The following RASSF3 variants were observed in gnomAD, a reference collection of about 807,000 sequenced individuals.
The protein encoded by RASSF3 is ras association domain-containing protein 3.
RASSF3 carries 19 observed loss-of-function variants against 19.9 expected under a neutral mutation model. The ratio of observed to expected loss-of-function variants is 0.96; its 90% CI spans 0.67 to 1.40. RASSF3 has a LOEUF of 1.40. Among genes scored for constraint, RASSF3 ranks in the 40% most tolerant of loss-of-function variants. RASSF3 has a pLI of 0.00. For synonymous variants in RASSF3, 110 were observed against 104.2 expected (o/e 1.06, Z -0.34); for missense variants, 306 against 289.8 (o/e 1.06, Z -0.41).
intron 2 of RASSF3, among the ~76,000 whole-genome samples, chr12:64,604,603 C>T (rs1870154198): frequency 6.6e-6 from 1 of 152,082 alleles, no homozygotes; most frequent in Non-Finnish European, 1.5e-5. Context: ...TATTAAGAGC[C>T]TGTCCTCCAG....
chr12:64,660,090 A>G (rs1247790395), intron 1 of RASSF3, among the ~76,000 whole-genome samples: 1 of 144,238 alleles, frequency 6.9e-6, no homozygotes, highest in East Asian at 1.9e-4. Context: ...ATATATATAC[A>G]CATACACGCA....
chr12:64,622,412 C>A (rs948925708), intron 1 of RASSF3: 7 of 512,754 alleles, frequency 1.4e-5, no homozygotes, highest in Non-Finnish European at 2.7e-5. Flanking sequence ...GATGGTAGGA[C>A]AAACTGCTGG....
At chr12:64,571,037 G>A (rs780160923) in intron 2 of RASSF3, among the ~76,000 whole-genome samples, 14 of 152,028 alleles carry the variant, frequency 9.2e-5, no homozygotes, top group Middle Eastern at 3.2e-3. Flanking sequence ...GGCCAACATG[G>A]TGAAACCCCA....
At chr12:64,511,859 C>T (rs1279461958) in intron 1 of RASSF3, among the ~76,000 whole-genome samples, 2 of 152,298 alleles carry the variant, frequency 1.3e-5, no homozygotes, top group Non-Finnish European at 1.5e-5. Context: ...GAAGACCTAG[C>T]TGTTTTCAGA....
chr12:64,567,262 A>G (rs7299202), intron 2 of RASSF3, among the ~76,000 whole-genome samples: 88,118 of 151,946 alleles, frequency 0.58, 26,051 homozygotes, highest in Non-Finnish European at 0.61. Context: ...TATCAGTCAC[A>G]GTCACAGCAG....
At chr12:64,665,245 G>A (rs1055600106) in intron 1 of RASSF3, among the ~76,000 whole-genome samples, 13 of 152,086 alleles carry the variant, frequency 8.5e-5, no homozygotes, top group Admixed American at 8.5e-4. Flanking sequence ...TTTCTCTTTT[G>A]TGAAATAATT....
At chr12:64,657,235 C>G (rs1158230215) in intron 1 of RASSF3, among the ~76,000 whole-genome samples, 2 of 152,100 alleles carry the variant, frequency 1.3e-5, no homozygotes, top group East Asian at 3.9e-4. Flanking sequence ...TGGTCTCGAA[C>G]TCCTGACCTC....
At chr12:64,661,677 C>CTTTTTTTT (rs71092993) in intron 1 of RASSF3, among the ~76,000 whole-genome samples, 3 of 78,992 alleles carry the variant, frequency 3.8e-5, no homozygotes, top group African/African-American at 5.3e-5. Context: ...TTTTCTTTTT[C>CTTTTTTTT]TTTTTTTTTT....
chr12:64,677,165 T>G (rs1175001109), intron 1 of RASSF3, among the ~76,000 whole-genome samples: 1 of 152,194 alleles, frequency 6.6e-6, no homozygotes, highest in African/African-American at 2.4e-5. Context: ...TAGTCTGTAT[T>G]TGCAATGTTT....
rs1171453314 is a variant in RASSF3, at chr12:64,610,754, C to T, written c.111+11C>T. 3 of 1,558,806 alleles carry T rather than the reference C, an allele frequency of 1.9e-6. No individual in the cohort carries two copies. Among genetic ancestry groups the T allele is most frequent in the East Asian group, 2.5e-5 (1 of 40,718 alleles). On this transcript the variant is annotated intron_variant, in intron 1 of 4. Coordinates refer to ENST00000542104, the MANE Select transcript of RASSF3 (RefSeq NM_178169.4). ...CGCTCCGGCCAACAAGTGAGTGGCG[C>T]GCGGCGGGCGCTGCAGCCCGCGCCC...
At chr12:64,692,096 G>A (rs1412286762) in intron 4 of RASSF3, among the ~76,000 whole-genome samples, 1 of 152,040 alleles carries the variant, frequency 6.6e-6, no homozygotes. Context: ...GTTTCCATGT[G>A]CATCATTTGC....
intron 1 of RASSF3, among the ~76,000 whole-genome samples, chr12:64,668,879 C>T (rs1412864944): frequency 1.3e-5 from 2 of 151,612 alleles, no homozygotes; most frequent in African/African-American, 2.4e-5. Flanking sequence ...GATGGGGTTT[C>T]ACCGTGGTCT....
chr12:64,551,108 C>A (rs1869152999), intron 2 of RASSF3, among the ~76,000 whole-genome samples: 1 of 152,072 alleles, frequency 6.6e-6, no homozygotes, highest in Non-Finnish European at 1.5e-5. Context: ...CCATAACCCC[C>A]AAAGATGGCC....
chr12:64,541,429 G>C (rs557746237), intron 1 of RASSF3, among the ~76,000 whole-genome samples: 4 of 152,228 alleles, frequency 2.6e-5, no homozygotes, highest in African/African-American at 9.6e-5. Context: ...TCTGCCTTGT[G>C]AACAGATGGG....
chr12:64,533,934 T>C (rs1482989636), intron 1 of RASSF3, among the ~76,000 whole-genome samples: 3 of 152,176 alleles, frequency 2.0e-5, no homozygotes, highest in Admixed American at 6.5e-5. Flanking sequence ...ATCTTTATTA[T>C]TAACAAAATC....
At chr12:64,514,156 G>C (rs992804479) in intron 1 of RASSF3, among the ~76,000 whole-genome samples, 1 of 146,574 alleles carries the variant, frequency 6.8e-6, no homozygotes, top group Non-Finnish European at 1.5e-5. Flanking sequence ...CAAAGTGCTG[G>C]GATTACAGGC....
At chr12:64,537,561 C>T (rs915032931) in intron 1 of RASSF3, among the ~76,000 whole-genome samples, 1 of 152,208 alleles carries the variant, frequency 6.6e-6, no homozygotes, top group South Asian at 2.1e-4. Flanking sequence ...CCAACCCCAT[C>T]TCAGCTCTCC....
At chr12:64,688,133 C>T (rs1873429299) in intron 2 of RASSF3, 83 bp from the exon 3 acceptor site, 2 of 916,306 alleles carry the variant, frequency 2.2e-6, no homozygotes, top group Non-Finnish European at 1.8e-6. Context: ...GAGTGTTTCA[C>T]CTTCCCGTTT....
intron 1 of RASSF3, among the ~76,000 whole-genome samples, chr12:64,520,317 C>T (rs1868445128): frequency 6.6e-6 from 1 of 151,824 alleles, no homozygotes; most frequent in South Asian, 2.1e-4. Context: ...CACATGCCGC[C>T]ATGCCCGGCT....
Sources: gnomAD v4.1 joint callset for allele counts (sites outside exome capture counted in the v4.1 genomes callset) on GRCh38, gnomAD v4.1.1 for gene constraint, MANE v1.5 for transcripts, NCBI Gene and HGNC (gene_info 2026-07-23, HGNC 2026-07-21) for gene names.